CNTN5: variants seen among roughly 807,000 people sequenced by gnomAD.
CNTN5 encodes the protein contactin 5, also known as contactin-5.
In CNTN5, 77 loss-of-function variants were observed where a neutral mutation model predicts 129.1. The ratio of observed to expected loss-of-function variants is 0.60; its 90% CI spans 0.50 to 0.72. The LOEUF (loss-of-function observed/expected upper bound fraction) is 0.72, where lower values mean the gene tolerates loss of function less well. Ranked by LOEUF, CNTN5 falls within the 30% of genes least tolerant of loss-of-function variation. CNTN5 has a pLI of 0.00. For missense variants in CNTN5, 1,478 were observed against 1,328.8 expected, an observed-to-expected ratio of 1.11 and a Z score of -1.75; for synonymous variants, 509 against 465.6, an observed-to-expected ratio of 1.09 and a Z score of -1.20.
At chr11:99,395,735 G>C (rs1413366388) in intron 2 of CNTN5, among the ~76,000 whole-genome samples, 2 of 151,950 alleles carry the variant, frequency 1.3e-5, no homozygotes, top group African/African-American at 2.4e-5. Flanking sequence ...TGTAAGGAAG[G>C]GGTCCAGCTT....
At chr11:99,278,554 G>T (rs1197983607) in intron 1 of CNTN5, among the ~76,000 whole-genome samples, 1 of 151,600 alleles carries the variant, frequency 6.6e-6, no homozygotes, top group Non-Finnish European at 1.5e-5. Context: ...TGATTATGAG[G>T]ATGATGATAA....
chr11:99,268,337 A>T (rs549597548), intron 1 of CNTN5, among the ~76,000 whole-genome samples: 1 of 152,052 alleles, frequency 6.6e-6, no homozygotes, highest in African/African-American at 2.4e-5. Flanking sequence ...GGCCAAAATG[A>T]TTTAACCATT....
chr11:99,774,948 G>T (rs190753322), intron 3 of CNTN5, among the ~76,000 whole-genome samples: 2 of 152,096 alleles, frequency 1.3e-5, no homozygotes, highest in East Asian at 3.9e-4. Context: ...TATTTTATTT[G>T]GATCTATTTT....
intron 17 of CNTN5, among the ~76,000 whole-genome samples, chr11:100,260,724 G>T (rs1362951802): frequency 6.6e-6 from 1 of 152,056 alleles, no homozygotes; most frequent in African/African-American, 2.4e-5. Context: ...ATGCAGAAAA[G>T]GAGTTTAATA....
chr11:99,214,475 A>G (rs2135681474), intron 1 of CNTN5, among the ~76,000 whole-genome samples: 1 of 150,680 alleles, frequency 6.6e-6, no homozygotes, highest in East Asian at 1.9e-4. Flanking sequence ...CAGAAAATGT[A>G]ACCCTATTAT....
chr11:99,575,529 G>A (rs908570458), intron 3 of CNTN5, among the ~76,000 whole-genome samples: 3 of 152,160 alleles, frequency 2.0e-5, no homozygotes, highest in African/African-American at 2.4e-5. Context: ...AAAGGCTGAC[G>A]TGCTTCCTGT....
chr11:99,275,513 C>T (rs1426104859), intron 1 of CNTN5, among the ~76,000 whole-genome samples: 2 of 151,528 alleles, frequency 1.3e-5, no homozygotes, highest in African/African-American at 4.8e-5. Context: ...GGTCTTTCTC[C>T]AACAAAACAT....
intron 3 of CNTN5, among the ~76,000 whole-genome samples, chr11:99,706,879 A>T: frequency 6.7e-6 from 1 of 149,424 alleles, no homozygotes; most frequent in Non-Finnish European, 1.5e-5. Context: ...TGGATTAAGT[A>T]TGCAGACTCT....
intron 2 of CNTN5, among the ~76,000 whole-genome samples, chr11:99,374,915 C>T (rs1410371944): frequency 1.3e-5 from 2 of 152,008 alleles, no homozygotes; most frequent in Non-Finnish European, 2.9e-5. Context: ...GGAACATCCA[C>T]GATACTAGCA....
At chr11:99,848,467 T>C (rs1258015722) in intron 6 of CNTN5, among the ~76,000 whole-genome samples, 1 of 152,152 alleles carries the variant, frequency 6.6e-6, no homozygotes, top group African/African-American at 2.4e-5. Flanking sequence ...TCAAAATTAA[T>C]ATATTTAATC....
intron 24 of CNTN5, among the ~76,000 whole-genome samples, chr11:100,352,694 G>A (rs1194032982): frequency 2.0e-5 from 3 of 151,444 alleles, no homozygotes; most frequent in African/African-American, 7.3e-5. Flanking sequence ...ATTTTATTGT[G>A]GTCACACAAA....
chr11:99,052,383 C>T (rs1325471303), intron 1 of CNTN5, among the ~76,000 whole-genome samples: 6 of 151,680 alleles, frequency 4.0e-5, no homozygotes, highest in Admixed American at 2.6e-4. Context: ...TTTTATTGTG[C>T]TTTTTCTATG....
chr11:100,293,902 A>T (rs746758866), intron 18 of CNTN5, among the ~76,000 whole-genome samples: 1 of 151,678 alleles, frequency 6.6e-6, no homozygotes, highest in Non-Finnish European at 1.5e-5. Flanking sequence ...CTTTCTGTAA[A>T]CTAAGCCTGA....
chr11:100,052,370 A>C (rs1036254272), intron 9 of CNTN5, among the ~76,000 whole-genome samples: 1 of 151,840 alleles, frequency 6.6e-6, no homozygotes, highest in Non-Finnish European at 1.5e-5. Context: ...ATTAAAAATA[A>C]TAATTATGGC....
intron 8 of CNTN5, among the ~76,000 whole-genome samples, chr11:99,971,458 G>A (rs571557123): frequency 1.3e-5 from 2 of 151,766 alleles, no homozygotes; most frequent in Non-Finnish European, 2.9e-5. Flanking sequence ...CAGGAAAATC[G>A]CTTGAACCCG....
chr11:100,309,159 T>C (rs1016716729), intron 21 of CNTN5: 1 of 985,030 alleles, frequency 1.0e-6, no homozygotes, highest in East Asian at 1.1e-4. Flanking sequence ...AGGGGGATAA[T>C]GTCTAAAAGA....
At chr11:99,779,276 CTCA>C (rs1212123510) in intron 3 of CNTN5, among the ~76,000 whole-genome samples, 1 of 151,838 alleles carries the variant, frequency 6.6e-6, no homozygotes, top group Non-Finnish European at 1.5e-5. Flanking sequence ...ATGTATAACT[CTCA>C]TCAAGGCATT....
rs192385261 is a variant in CNTN5, at chr11:100,136,312, T to C, written c.1581-54814T>C. 1.2e-3 allele frequency among the ~76,000 whole-genome samples: 187 copies of C among 152,262 alleles called. 1 individual carries two copies. Among genetic ancestry groups the C allele is most frequent in the Non-Finnish European group, 3.8e-4 (26 of 67,998 alleles). ...AAATTTCTTCATATATCACTCCTTA[T>C]GGCAGTGGCATTTTTACATCTTTTC... On this transcript the variant is annotated intron_variant, in intron 13 of 24. Coordinates refer to ENST00000524871, the MANE Select transcript of CNTN5 (RefSeq NM_014361.4).
At chr11:100,290,961 A>G (rs1385440545) in intron 18 of CNTN5, among the ~76,000 whole-genome samples, 6 of 151,814 alleles carry the variant, frequency 4.0e-5, no homozygotes, top group African/African-American at 9.7e-5. Flanking sequence ...ATGAACAGAC[A>G]CTTCTCAAAA....
Sources: allele counts gnomAD v4.1 joint callset (sites outside exome capture counted in the v4.1 genomes callset), GRCh38; gene constraint gnomAD v4.1.1; transcripts MANE v1.5; gene names NCBI Gene and HGNC (gene_info 2026-07-23, HGNC 2026-07-21).